The following KLHDC4 variants were observed in gnomAD, a reference collection of about 807,000 sequenced individuals.
The protein encoded by KLHDC4 is kelch domain-containing protein 4.
A neutral mutation model predicts 62.4 loss-of-function variants in KLHDC4; 90 were observed. That is an observed-to-expected ratio of 1.44 (90% CI 1.22 to 1.72). The LOEUF (loss-of-function observed/expected upper bound fraction) is 1.72, where lower values mean the gene tolerates loss of function less well. Ranked by LOEUF, KLHDC4 falls within the 40% of genes most tolerant of loss-of-function variation. The pLI, the probability that KLHDC4 is intolerant of heterozygous loss-of-function variation, is 0.00. For missense variants in KLHDC4, 1,025 were observed against 699.7 expected (o/e 1.47, Z -5.25); for synonymous variants, 386 against 284.4 (o/e 1.36, Z -3.59).
At chr16:87,721,759 G>A (rs191798906) in intron 7 of KLHDC4, among the ~76,000 whole-genome samples, 21 of 152,346 alleles carry the variant, frequency 1.4e-4, no homozygotes, top group African/African-American at 2.9e-4. Context: ...GTAACAGTGG[G>A]GCGTGCAGAG....
chr16:87,711,180 G>A lies in KLHDC4; in HGVS notation c.1044+55C>T. The A allele has an allele frequency of 5.1e-6, 8 of 1,581,816 alleles. No individual in the cohort carries two copies. The Admixed American group carries it at 6.7e-5, about 13-fold the overall frequency. ...GTGCTGGAGGAAGGCAGTGGTGGCA[G>A]GGACCCAAGTTAGGGCTGCGCACCA... On this transcript the variant is annotated intron_variant, in intron 9 of 11. Transcript: ENST00000270583.
chr16:87,728,290 G>T (rs907879895), intron 6 of KLHDC4, among the ~76,000 whole-genome samples: 2 of 152,220 alleles, frequency 1.3e-5, no homozygotes, highest in Admixed American at 1.3e-4. Flanking sequence ...TCTGAGGAAT[G>T]TGGAAATGTG....
rs374114442 is a variant in KLHDC4 at position 87,756,228 on chromosome 16, T to C, written c.270+171A>G. The C allele has an allele frequency of 4.6e-4, 252 of 547,282 alleles. 1 individual carries two copies. The highest frequency in any genetic ancestry group is 4.4e-3 in the African/African-American group (232 of 53,044). The allele number at this position is 547,282 out of a possible 1,614,324, so 33.9% of individuals were successfully genotyped here. On this transcript the variant is annotated intron_variant, in intron 3 of 11. Transcript: ENST00000270583. ...GGACCACTGAAGTCATCAACAGTCA[T>C]GCCAGGGCCTGGAGCATCCTGGCGA...
intron 8 of KLHDC4, 145 bp downstream of exon 8, chr16:87,714,353 C>CCCCAA: frequency 1.0e-6 from 1 of 990,178 alleles, no homozygotes; most frequent in Non-Finnish European, 1.3e-6. Context: ...CGGCCCACCC[C>CCCCAA]GAAATGAGCC....
chr16:87,730,385 G>C (rs958229687), intron 6 of KLHDC4, among the ~76,000 whole-genome samples, 167 bp downstream of exon 6: 2 of 152,216 alleles, frequency 1.3e-5, no homozygotes, highest in African/African-American at 4.8e-5. Context: ...GTGAGGCCCG[G>C]TGTGAGGCCC....
chr16:87,756,577 G>T, intron 2 of KLHDC4, 100 bp from the exon 3 acceptor site: 1 of 813,590 alleles, frequency 1.2e-6, no homozygotes, highest in Non-Finnish European at 2.1e-6. Context: ...CAAACTGGCT[G>T]CCTCTACACT....
rs1397226125 is a variant in KLHDC4 at position 87,711,323 on chromosome 16, T to A, written c.956A>T (p.Glu319Val). The A allele has an allele frequency of 6.2e-7, 1 of 1,613,984 alleles. No individual in the cohort carries two copies. The highest frequency in any genetic ancestry group is 1.3e-5 in the African/African-American group (1 of 75,008). Residue 319 changes from glutamate to valine, a missense_variant, in exon 9 of 12, where the codon GAA becomes GTA. Physicochemically the swap from Glu to Val is moderately radical, Grantham distance 121. Coordinates refer to ENST00000270583, the MANE Select transcript of KLHDC4 (RefSeq NM_017566.4). ...TLFFGGVCDE[E>V]EEESLSGEFF... ...CTCGCCCGACAGGCTCTCCTCCTCT[T>A]CCTCGTCACAGACACCCCCGAAGAA...
At chr16:87,716,708 A>G (rs749615372) in intron 7 of KLHDC4, among the ~76,000 whole-genome samples, 14 of 152,154 alleles carry the variant, frequency 9.2e-5, no homozygotes, top group Non-Finnish European at 1.5e-4. Context: ...AGGGGGGTAG[A>G]CCATGAGGTC....
At chr16:87,701,723 C>T (rs762193931) in exon 1 of KLHDC4, 4 of 456,798 alleles carry the variant, frequency 8.8e-6, no homozygotes, top group South Asian at 6.2e-5. Flanking sequence ...GCGCCCATGC[C>T]ACCTGCTCAG....
chr16:87,740,057 A>G (rs897360731), intron 5 of KLHDC4, among the ~76,000 whole-genome samples: 7 of 152,180 alleles, frequency 4.6e-5, no homozygotes, highest in Non-Finnish European at 1.0e-4. Context: ...CATCCCTCAG[A>G]GGGCACTGGC....
downstream of KLHDC4, among the ~76,000 whole-genome samples, chr16:87,707,231 C>A (rs562455257): frequency 6.6e-6 from 1 of 152,362 alleles, no homozygotes; most frequent in South Asian, 2.1e-4. Context: ...AAGGAGGCCG[C>A]AGCGCTGAAG....
intron 5 of KLHDC4, among the ~76,000 whole-genome samples, chr16:87,739,265 C>T (rs1165051418): frequency 7.9e-6 from 1 of 126,214 alleles, no homozygotes. Flanking sequence ...ACACCAGCAT[C>T]TCATCCATCC....
intron 1 of KLHDC4, among the ~76,000 whole-genome samples, chr16:87,762,964 C>T (rs1409087730): frequency 1.3e-5 from 2 of 152,174 alleles, no homozygotes; most frequent in East Asian, 1.9e-4. Flanking sequence ...GCGTCCTCTC[C>T]GTTCCTTCAA....
chr16:87,702,151 C>G (rs530783720), exon 1 of KLHDC4: 1 of 456,312 alleles, frequency 2.2e-6, no homozygotes, highest in Non-Finnish European at 4.4e-6. Flanking sequence ...CCGGGAGATT[C>G]CAGCAGATAT....
downstream of KLHDC4, among the ~76,000 whole-genome samples, chr16:87,706,439 G>A (rs903647370): frequency 4.1e-5 from 6 of 146,582 alleles, no homozygotes; most frequent in South Asian, 1.1e-3. Flanking sequence ...GGGGGTCGGC[G>A]GAGGGGGCCG....
chr16:87,715,302 A>G (rs1210483450), intron 7 of KLHDC4, among the ~76,000 whole-genome samples: 1 of 152,202 alleles, frequency 6.6e-6, no homozygotes, highest in Admixed American at 6.5e-5. Flanking sequence ...GTATTTGCAG[A>G]AAATTGAGAC....
At chr16:87,762,231 C>T in intron 1 of KLHDC4, 191 bp from the exon 2 acceptor site, 1 of 1,236,774 alleles carries the variant, frequency 8.1e-7, no homozygotes, top group African/African-American at 1.5e-5. Context: ...ACCTCAAAGG[C>T]AGTCTGCTTA....
downstream of KLHDC4, among the ~76,000 whole-genome samples, chr16:87,705,923 G>C (rs1205400849): frequency 6.6e-6 from 1 of 152,258 alleles, no homozygotes; most frequent in African/African-American, 2.4e-5. Context: ...AAAGTGCCCA[G>C]ACCGGCCGCC....
At chr16:87,754,618 C>A (rs996363585) in intron 4 of KLHDC4, among the ~76,000 whole-genome samples, 1 of 152,190 alleles carries the variant, frequency 6.6e-6, no homozygotes, top group Admixed American at 6.5e-5. Flanking sequence ...ATTTTCTGTG[C>A]GAGTCTAACT....
Sources: gnomAD v4.1 joint callset for allele counts (sites outside exome capture counted in the v4.1 genomes callset) on GRCh38, gnomAD v4.1.1 for gene constraint, MANE v1.5 for transcripts, NCBI Gene and HGNC (gene_info 2026-07-23, HGNC 2026-07-21) for gene names.